The following CUX2 variants were observed in gnomAD, a reference collection of about 807,000 sequenced individuals.
CUX2 encodes cut like homeobox 2.
A neutral mutation model predicts 144.8 loss-of-function variants in CUX2; 40 were observed. That is an observed-to-expected ratio of 0.28 (90% CI 0.21 to 0.36). CUX2 has a LOEUF of 0.36. CUX2 is among the 10% of genes least tolerant of loss of function. CUX2 has a pLI of 1.00. For synonymous variants in CUX2, 827 were observed against 875.6 expected (o/e 0.94, Z 0.98); for missense variants, 1,615 against 1,994.0 (o/e 0.81, Z 3.62).
At position 111,039,885 on chromosome 12, in the gene CUX2, T is replaced by G. The variant is rs1869655895; in HGVS notation, c.63+5645T>G. 6.6e-6 allele frequency among the ~76,000 whole-genome samples: 1 copy of G among 152,160 alleles called. No individual in the cohort carries two copies. The highest frequency in any genetic ancestry group is 1.5e-5 in the Non-Finnish European group (1 of 68,020). ...GTGGGGCTATTGACCTTTTAAGCAATATTTTTGAAACAAAAAATTATGTCT... is the reference window on the plus strand; with the variant it reads ...GTGGGGCTATTGACCTTTTAAGCAAGATTTTTGAAACAAAAAATTATGTCT... On this transcript the variant is annotated intron_variant, in intron 1 of 21. Coordinates refer to ENST00000261726, the MANE Select transcript of CUX2 (RefSeq NM_015267.4). This position sits in a 1 kb window ranked among gnomAD's most constrained non-coding sequence, Gnocchi z 4.2.
intron 19 of CUX2, among the ~76,000 whole-genome samples, chr12:111,337,759 GGCCCAGTGGCTCAC>G (rs1888415860): frequency 6.6e-6 from 1 of 152,230 alleles, no homozygotes; most frequent in South Asian, 2.1e-4. Flanking sequence ...TTTTGGGCCA[GGCCCAGTGGCTCAC>G]GCCTGTAATT....
chr12:111,045,396 G>C (rs1157460400), intron 1 of CUX2, among the ~76,000 whole-genome samples: 2 of 152,106 alleles, frequency 1.3e-5, no homozygotes, highest in Non-Finnish European at 1.5e-5. Flanking sequence ...TGAGGTGTTG[G>C]GAGTGTAGCA....
At chr12:111,063,981 G>C (rs1870918557) in intron 1 of CUX2, among the ~76,000 whole-genome samples, 1 of 152,192 alleles carries the variant, frequency 6.6e-6, no homozygotes, top group Non-Finnish European at 1.5e-5. Flanking sequence ...TGGGGACAGG[G>C]GAATGAATGT....
At chr12:111,247,268 A>G (rs1443818926) in intron 3 of CUX2, among the ~76,000 whole-genome samples, 2 of 152,168 alleles carry the variant, frequency 1.3e-5, no homozygotes, top group Non-Finnish European at 2.9e-5. Flanking sequence ...AGTGGAGGGC[A>G]TGCATGCCCG....
At chr12:111,115,590 A>T (rs879389520) in intron 1 of CUX2, among the ~76,000 whole-genome samples, 7 of 152,100 alleles carry the variant, frequency 4.6e-5, no homozygotes, top group Non-Finnish European at 1.0e-4. Flanking sequence ...CTTCCAATCT[A>T]TGAACATGGT....
At position 111,214,193 on chromosome 12, in the gene CUX2, G is replaced by A. The variant is rs767231692; in HGVS notation, c.64-7G>A. ...TCTCTCTTTTTTTTTTTTTTTTATT[G>A]TTCCAGAAGGAGCTTAATTCCGTCG... is the stretch of plus-strand genomic sequence containing the variant. On this transcript the variant is annotated splice_polypyrimidine_tract_variant and splice_region_variant and intron_variant, in intron 1 of 21. Coordinates refer to ENST00000261726, the MANE Select transcript of CUX2 (RefSeq NM_015267.4). The A allele has an allele frequency of 2.4e-6, 2 of 835,378 alleles. No individual in the cohort carries two copies. The highest frequency in any genetic ancestry group is 2.8e-5 in the South Asian group (1 of 35,250). 51.7% of individuals were successfully genotyped at this position (835,378 alleles called of 1,614,324 possible).
intron 1 of CUX2, among the ~76,000 whole-genome samples, chr12:111,076,748 G>A (rs768441229): frequency 5.3e-5 from 8 of 152,110 alleles, no homozygotes; most frequent in Non-Finnish European, 1.0e-4. Context: ...CAGGTCAGCC[G>A]TTGACTACGG....
intron 1 of CUX2, among the ~76,000 whole-genome samples, chr12:111,198,286 G>A (rs1209065999): frequency 6.6e-6 from 1 of 152,008 alleles, no homozygotes; most frequent in African/African-American, 2.4e-5. Flanking sequence ...GACCAGCCTG[G>A]CTAACATGGC....
chr12:111,225,331 C>T (rs1882078251), intron 3 of CUX2, among the ~76,000 whole-genome samples: 1 of 152,224 alleles, frequency 6.6e-6, no homozygotes, highest in South Asian at 2.1e-4. Context: ...TCTGCTCCTA[C>T]CCATTGCTCA....
chr12:111,223,897 A>G (rs982495741), intron 3 of CUX2, among the ~76,000 whole-genome samples: 1 of 151,908 alleles, frequency 6.6e-6, no homozygotes, highest in Non-Finnish European at 1.5e-5. Context: ...GGGAGTAGGG[A>G]ACCCTCCCTG....
chr12:111,084,898 AC>A (rs1445795610), intron 1 of CUX2, among the ~76,000 whole-genome samples: 6 of 151,738 alleles, frequency 4.0e-5, no homozygotes, highest in Admixed American at 6.6e-5. Context: ...GAGGGACCTC[AC>A]CCCCTCTTCT....
chr12:111,130,427 T>C (rs1875392889), intron 1 of CUX2, among the ~76,000 whole-genome samples: 1 of 152,238 alleles, frequency 6.6e-6, no homozygotes, highest in Non-Finnish European at 1.5e-5. Context: ...TGACTGCTGC[T>C]TTGATGCTGC....
intron 1 of CUX2, among the ~76,000 whole-genome samples, chr12:111,195,643 T>G (rs374684211): frequency 1.3e-5 from 2 of 152,218 alleles, no homozygotes; most frequent in African/African-American, 4.8e-5. Flanking sequence ...CCTGAGCCCT[T>G]GGGTCTGCCA....
At chr12:111,318,022 C>T (rs914011976) in intron 16 of CUX2, among the ~76,000 whole-genome samples, 2 of 151,346 alleles carry the variant, frequency 1.3e-5, no homozygotes, top group African/African-American at 2.4e-5. Flanking sequence ...AAAAAGAAAA[C>T]GTGATACTGA....
chr12:111,305,440 C>G (rs1446878623), intron 10 of CUX2, among the ~76,000 whole-genome samples: 2 of 152,154 alleles, frequency 1.3e-5, no homozygotes, highest in Non-Finnish European at 2.9e-5. Context: ...ATGTGTGTCT[C>G]TACTTGTGAC....
intron 20 of CUX2, among the ~76,000 whole-genome samples, chr12:111,340,709 C>A (rs748431997): frequency 6.6e-6 from 1 of 152,226 alleles, no homozygotes; most frequent in South Asian, 2.1e-4. Context: ...TTAGCTCCCA[C>A]GATTTAGCCT....
At chr12:111,048,023 AC>A (rs1157273526) in intron 1 of CUX2, among the ~76,000 whole-genome samples, 1 of 152,150 alleles carries the variant, frequency 6.6e-6, no homozygotes, top group Non-Finnish European at 1.5e-5. Context: ...AAGTCCTGGA[AC>A]CAAAGGGAGG....
intron 3 of CUX2, among the ~76,000 whole-genome samples, chr12:111,230,332 C>T (rs917953618): frequency 6.6e-6 from 1 of 152,164 alleles, no homozygotes; most frequent in African/African-American, 2.4e-5. Context: ...GTGCTGCCTA[C>T]AGCGGTGTCT....
rs180921026 is a variant in CUX2, at chr12:111,112,809, C to G, written c.63+78569C>G. The stretch of plus-strand genomic sequence containing the variant: ...CTTCTCCTGTGTTTTATATTATAAC[C>G]CTTTTGGAATGTGGACACCTTGATC... On this transcript the variant is annotated intron_variant, in intron 1 of 21. Coordinates refer to ENST00000261726, the MANE Select transcript of CUX2 (RefSeq NM_015267.4). Among the ~76,000 whole-genome samples the G allele has an allele frequency of 1.6e-3, 237 of 152,220 alleles. 3 individuals are homozygous for G. The highest frequency in any genetic ancestry group is 5.4e-3 in the African/African-American group (225 of 41,534).
Sources: gnomAD v4.1 joint callset for allele counts (sites outside exome capture counted in the v4.1 genomes callset) on GRCh38, gnomAD v4.1.1 for gene constraint, Gnocchi (gnomAD v3.1) non-coding constraint, MANE v1.5 for transcripts, NCBI Gene and HGNC (gene_info 2026-07-23, HGNC 2026-07-21) for gene names.